The following FLRT2 variants were observed in gnomAD, a reference collection of about 807,000 sequenced individuals.
FLRT2 encodes leucine-rich repeat transmembrane protein FLRT2.
Under a neutral mutation model 40.0 loss-of-function variants are expected in FLRT2, and 15 were observed. The observed-to-expected ratio is 0.38, with a 90% CI of 0.25 to 0.58. FLRT2 has a LOEUF of 0.58. Among genes scored for constraint, FLRT2 ranks in the 20% least tolerant of loss-of-function variants. The pLI is 0.71. For synonymous variants in FLRT2, 380 were observed against 336.8 expected, an observed-to-expected ratio of 1.13 and a Z score of -1.41; for missense variants, 726 against 840.0, an observed-to-expected ratio of 0.86 and a Z score of 1.68.
chr14:85,562,299 A>G (rs966670205), intron 1 of FLRT2, among the ~76,000 whole-genome samples: 2 of 152,228 alleles, frequency 1.3e-5, no homozygotes, highest in East Asian at 3.9e-4. Flanking sequence ...CATTTCTGAC[A>G]GTTAAATCCA....
rs186046362 is a variant in FLRT2 at position 85,641,241 on chromosome 14, G to C, written c.*17744G>C. On this transcript the variant is annotated 3_prime_UTR_variant, in exon 2 of 2. Coordinates refer to ENST00000330753, the MANE Select transcript of FLRT2 (RefSeq NM_013231.6). Reference sequence around the variant, plus strand: ...GCTTTTTCCCTGGATATGGCTTATTGGTATTCATTATTCCCAATTCCTTCT... The same window carrying C: ...GCTTTTTCCCTGGATATGGCTTATTCGTATTCATTATTCCCAATTCCTTCT... 7 of 152,246 alleles carry C rather than the reference G, an allele frequency of 4.6e-5. No individual in the cohort carries two copies. In the East Asian group the frequency reaches 1.4e-3, roughly 29 times the overall value. 9.4% of individuals were successfully genotyped at this position (152,246 alleles called of 1,614,324 possible). A position where few individuals can be genotyped will look rare whatever the true frequency, so the allele number is the denominator to read the frequency against.
At chr14:85,555,439 C>T (rs1889887522) in intron 1 of FLRT2, among the ~76,000 whole-genome samples, 2 of 151,476 alleles carry the variant, frequency 1.3e-5, no homozygotes, top group Non-Finnish European at 2.9e-5. Context: ...TCCTACATGG[C>T]AGCAGACAAG....
At chr14:85,549,100 C>A (rs1889452208) in intron 1 of FLRT2, among the ~76,000 whole-genome samples, 1 of 152,184 alleles carries the variant, frequency 6.6e-6, no homozygotes, top group South Asian at 2.1e-4. Context: ...CTGAGATCCA[C>A]TTCCATCAGC....
chr14:85,578,173 A>T (rs1317768118), intron 1 of FLRT2, among the ~76,000 whole-genome samples: 2 of 135,984 alleles, frequency 1.5e-5, no homozygotes, highest in African/African-American at 2.6e-5. Context: ...TATATATAAA[A>T]ATATCTTTAT....
chr14:85,607,069 C>A (rs1555370370), intron 1 of FLRT2, among the ~76,000 whole-genome samples: 1 of 151,754 alleles, frequency 6.6e-6, no homozygotes, highest in African/African-American at 2.4e-5. Flanking sequence ...TTTTTTAAAT[C>A]TCTTTTCCAC....
chr14:85,594,433 G>T (rs149679531), intron 1 of FLRT2, among the ~76,000 whole-genome samples: 2 of 152,052 alleles, frequency 1.3e-5, no homozygotes, highest in African/African-American at 4.8e-5. Context: ...TGTGTGTGCC[G>T]CTCCCTCATA....
At chr14:85,543,705 G>A (rs970350628) in intron 1 of FLRT2, among the ~76,000 whole-genome samples, 3 of 152,044 alleles carry the variant, frequency 2.0e-5, no homozygotes, top group Non-Finnish European at 4.4e-5. Context: ...AACATGGTGA[G>A]GCATGGCCCT....
chr14:85,603,838 C>G (rs1161321671), intron 1 of FLRT2, among the ~76,000 whole-genome samples: 1 of 152,184 alleles, frequency 6.6e-6, no homozygotes, highest in African/African-American at 2.4e-5. Flanking sequence ...CCACTGCACT[C>G]CAGCCTGGGC....
Position 85,625,630 on chromosome 14 carries a change from G to A in FLRT2, c.*2133G>A, listed in dbSNP as rs1047616924. 2.4e-5 allele frequency: 4 copies of A among 166,956 alleles called. No individual in the cohort carries two copies. The highest frequency in any genetic ancestry group is 9.7e-5 in the African/African-American group (4 of 41,416). 10.3% of individuals were successfully genotyped at this position (166,956 alleles called of 1,614,324 possible). On this transcript the variant is annotated 3_prime_UTR_variant, in exon 2 of 2. Transcript: ENST00000330753. ...TGGCTGTTGCTTTTTTTAAAGTTAG[G>A]TCCACACAGTGAAGGGAAAAGAGTC...
Position 85,621,721 on chromosome 14 carries a change from C to T in FLRT2, c.207C>T (p.Tyr69=), listed in dbSNP as rs1421996403. 1.2e-6 allele frequency: 2 copies of T among 1,614,074 alleles called. No individual in the cohort carries two copies. Among genetic ancestry groups the T allele is most frequent in the Non-Finnish European group, 1.7e-6 (2 of 1,180,032 alleles). ...TCCCGGAGGGCGTAACTGTACTCTA[C>T]CTCCACAACAACCAAATTAATAATG... ...LGIPEGVTVL[Y]LHNNQINNAG... Residue 69 remains tyrosine (Y), a synonymous_variant, in exon 2 of 2, where the codon TAC becomes TAT. Transcript: ENST00000330753.
intron 1 of FLRT2, among the ~76,000 whole-genome samples, chr14:85,565,562 A>G (rs1890580821): frequency 6.6e-6 from 1 of 152,094 alleles, no homozygotes; most frequent in Non-Finnish European, 1.5e-5. Flanking sequence ...TTTTTTATTT[A>G]TTTAAATTTT....
chr14:85,555,935 CTT>C (rs1255564443), intron 1 of FLRT2, among the ~76,000 whole-genome samples: 1 of 151,950 alleles, frequency 6.6e-6, no homozygotes, highest in Non-Finnish European at 1.5e-5. Flanking sequence ...CTAGAAAACA[CTT>C]TTAAGGACTT....
At chr14:85,605,678 G>A (rs1892574829) in intron 1 of FLRT2, among the ~76,000 whole-genome samples, 1 of 152,042 alleles carries the variant, frequency 6.6e-6, no homozygotes, top group South Asian at 2.1e-4. Context: ...GCTGAAGCAG[G>A]AGAATGGCAT....
chr14:85,559,990 T>C (rs1385553304), intron 1 of FLRT2, among the ~76,000 whole-genome samples: 1 of 152,182 alleles, frequency 6.6e-6, no homozygotes, highest in Non-Finnish European at 1.5e-5. Context: ...GGGTCCTCCA[T>C]CTCACTCCCC....
intron 1 of FLRT2, among the ~76,000 whole-genome samples, chr14:85,534,037 C>A (rs1426932863): frequency 7.9e-5 from 12 of 151,944 alleles, no homozygotes; most frequent in Non-Finnish European, 1.8e-4. Flanking sequence ...CCCGCCGCTG[C>A]GCTCCCGCTT....
chr14:85,568,737 C>A (rs1890750118), intron 1 of FLRT2, among the ~76,000 whole-genome samples: 1 of 152,228 alleles, frequency 6.6e-6, no homozygotes, highest in South Asian at 2.1e-4. Flanking sequence ...GCTGCTCTCT[C>A]TCCCTATTTC....
At position 85,648,911 on chromosome 14, in the gene FLRT2, G is replaced by A. The variant is rs945860617; in HGVS notation, c.*25414G>A. The A allele has an allele frequency of 2.0e-5, 3 of 152,200 alleles. No homozygotes were observed. The highest frequency in any genetic ancestry group is 6.8e-3 in the Middle Eastern group (2 of 294). 9.4% of individuals were successfully genotyped at this position (152,200 alleles called of 1,614,324 possible). A position where few individuals can be genotyped will look rare whatever the true frequency, so the allele number is the denominator to read the frequency against. ...AAGAGGAATTAAATAACATTTTTCT[G>A]AATGAATAGATTTTAAACCATGTGT... On this transcript the variant is annotated 3_prime_UTR_variant, in exon 2 of 2. Transcript: ENST00000330753.
At chr14:85,616,331 A>AC (rs1400516829) in intron 1 of FLRT2, among the ~76,000 whole-genome samples, 3 of 152,098 alleles carry the variant, frequency 2.0e-5, no homozygotes, top group African/African-American at 4.8e-5. Flanking sequence ...AAAAAAAAAA[A>AC]AAACCCTTTT....
At chr14:85,547,230 AC>A (rs1889326510) in intron 1 of FLRT2, among the ~76,000 whole-genome samples, 2 of 151,886 alleles carry the variant, frequency 1.3e-5, no homozygotes, top group African/African-American at 4.8e-5. Context: ...TTCCCTTCTG[AC>A]CTAAATTTAG....
Sources: allele counts gnomAD v4.1 joint callset (sites outside exome capture counted in the v4.1 genomes callset), GRCh38; gene constraint gnomAD v4.1.1; transcripts MANE v1.5; gene names NCBI Gene and HGNC (gene_info 2026-07-23, HGNC 2026-07-21).